The following RORC variants were observed in gnomAD, a reference collection of about 807,000 sequenced individuals.
The protein encoded by RORC is RAR related orphan receptor C.
A neutral mutation model predicts 64.5 loss-of-function variants in RORC; 13 were observed. The observed-to-expected ratio is 0.20, with a 90% CI of 0.13 to 0.32. The LOEUF (loss-of-function observed/expected upper bound fraction) is 0.32. Ranked by LOEUF, RORC falls within the 10% of genes least tolerant of loss-of-function variation. The pLI, the probability that RORC is intolerant of heterozygous loss-of-function variation, is 1.00. For missense variants in RORC, 468 were observed against 669.5 expected (o/e 0.70, Z 3.32); for synonymous variants, 277 against 259.3 (o/e 1.07, Z -0.65).
intron 10 of RORC, among the ~76,000 whole-genome samples, chr1:151,809,678 T>C (rs952491485): frequency 6.6e-6 from 1 of 152,190 alleles, no homozygotes; most frequent in Non-Finnish European, 1.5e-5. Flanking sequence ...CTCTCCCAGA[T>C]TCCTGTCTCT....
chr1:151,830,300 C>G lies in RORC; in HGVS notation c.41-842G>C. ...AGCATGAGTGGGTCGATGGGGGTCA[C>G]ATGGATACTCGGACCTCCAGGGGGA... is the stretch of plus-strand genomic sequence containing the variant. On this transcript the variant is annotated intron_variant, in intron 1 of 10. Transcript: ENST00000318247. The surrounding 1 kb of genome is among the most constrained non-coding windows in gnomAD (Gnocchi z 4.0). Among the ~76,000 whole-genome samples the G allele has an allele frequency of 6.6e-6, 1 of 151,432 alleles. No individual in the cohort carries two copies. Among genetic ancestry groups the G allele is most frequent in the Admixed American group, 6.6e-5 (1 of 15,216 alleles).
rs768035028 is a variant in RORC at position 151,815,259 on chromosome 1, G to A, written c.465C>T (p.Asp155=). The A allele has an allele frequency of 3.9e-5, 62 of 1,609,638 alleles. No homozygotes were observed. The highest frequency in any genetic ancestry group is 1.9e-4 in the African/African-American group (14 of 74,778). The change falls in exon 5 of 11, where the codon GAC becomes GAT. Residue 155 remains aspartate, a synonymous_variant. Coordinates refer to ENST00000318247, the MANE Select transcript of RORC (RefSeq NM_005060.4). ...DTLTYTLGLP[D]GQLPLGSSPD... ...GCGAGGAGCCCAGGGGCAGCTGCCC[G>A]TCTGGGAGCCCCAAGGTGTAGGTGA...
chr1:151,813,954 C>T (rs1227916908), intron 6 of RORC: 1 of 252,248 alleles, frequency 4.0e-6, no homozygotes, highest in Non-Finnish European at 7.7e-6. Context: ...TGCCCAAGGT[C>T]TCAATAACCT....
At chr1:151,812,651 C>T in intron 9 of RORC, 2 of 291,390 alleles carry the variant, frequency 6.9e-6, no homozygotes, top group Non-Finnish European at 1.3e-5. Context: ...ACAATGAAAT[C>T]ACTGCCATAG....
chr1:151,816,168 G>A (rs1651747334), intron 4 of RORC, among the ~76,000 whole-genome samples: 1 of 152,186 alleles, frequency 6.6e-6, no homozygotes, highest in Non-Finnish European at 1.5e-5. Flanking sequence ...GGTGGTGGGT[G>A]AGGAGGGTGG....
chr1:151,829,477 G>T lies in RORC; in HGVS notation c.41-19C>A. On this transcript the variant is annotated intron_variant, in intron 1 of 10. Transcript: ENST00000318247. Reference sequence around the variant, plus strand: ...AGCAGCTCTGTAAAGACAAGAGAGGGGGTTGACGTCAAAGGTTGAAGATCA... The same window carrying T: ...AGCAGCTCTGTAAAGACAAGAGAGGTGGTTGACGTCAAAGGTTGAAGATCA... 1 of 1,517,974 alleles carries T rather than the reference G, an allele frequency of 6.6e-7. No homozygotes were observed. Among genetic ancestry groups the T allele is most frequent in the South Asian group, 1.3e-5 (1 of 76,238 alleles). 94.0% of individuals were successfully genotyped at this position (1,517,974 alleles called of 1,614,324 possible).
At chr1:151,814,853 G>A (rs2101658408) in intron 5 of RORC, 60 bp downstream of exon 5, 18 of 1,572,840 alleles carry the variant, frequency 1.1e-5, no homozygotes, top group Non-Finnish European at 1.6e-5. Flanking sequence ...ATTGATACGG[G>A]GTACTGGTGG....
intron 2 of RORC, among the ~76,000 whole-genome samples, chr1:151,828,267 G>A (rs1372949576): frequency 1.3e-5 from 2 of 152,156 alleles, no homozygotes; most frequent in Admixed American, 6.5e-5. Flanking sequence ...GTCAAGGGAC[G>A]GCTATGGAGA....
intron 10 of RORC, among the ~76,000 whole-genome samples, chr1:151,809,193 G>C (rs1464236565): frequency 6.6e-6 from 1 of 152,022 alleles, no homozygotes; most frequent in Non-Finnish European, 1.5e-5. Context: ...GAGGTCAGGA[G>C]TTCGAGACCA....
intron 2 of RORC, among the ~76,000 whole-genome samples, chr1:151,818,848 G>A (rs1651874694): frequency 6.6e-6 from 1 of 152,222 alleles, no homozygotes; most frequent in Non-Finnish European, 1.5e-5. Context: ...GCCTGTTGAT[G>A]TGAAGTGGGC....
chr1:151,823,370 A>T (rs1652067727), intron 2 of RORC, among the ~76,000 whole-genome samples: 1 of 152,162 alleles, frequency 6.6e-6, no homozygotes, highest in Non-Finnish European at 1.5e-5. Context: ...CCCTTAGGGG[A>T]AGATGTCTGG....
intron 6 of RORC, chr1:151,814,017 G>C (rs796600455): frequency 5.3e-6 from 1 of 189,296 alleles, no homozygotes; most frequent in Non-Finnish European, 1.1e-5. Flanking sequence ...GGTGGTATGA[G>C]AGTGTGATCG....
At position 151,811,535 on chromosome 1, in the gene RORC, T is replaced by A. The variant is rs1052941892; in HGVS notation, c.1286-101A>T. 62 of 685,034 alleles carry A rather than the reference T, an allele frequency of 9.1e-5. 1 individual carries two copies. The African/African-American group carries it at 1.0e-3, about 12-fold the overall frequency. 42.4% of individuals were successfully genotyped at this position (685,034 alleles called of 1,614,324 possible). A position where few individuals can be genotyped will look rare whatever the true frequency, so the allele number is the denominator to read the frequency against. On this transcript the variant is annotated intron_variant, in intron 9 of 10. Coordinates refer to ENST00000318247, the MANE Select transcript of RORC (RefSeq NM_005060.4). ...TGTGGACATCTGTGCTGGATAGAGG[T>A]CTTCTAAGCTGAGCGCGTGCATGTG... is the stretch of plus-strand genomic sequence containing the variant.
rs1160515783 is a variant in RORC at position 151,830,114 on chromosome 1, G to A, written c.41-656C>T. On this transcript the variant is annotated intron_variant, in intron 1 of 10. Transcript: ENST00000318247. The surrounding 1 kb of genome is among the most constrained non-coding windows in gnomAD (Gnocchi z 4.0). ...CAGAGATGTGGGGGTTGGGAGTAGGGGGAGAGGATGTTTGGAGGAAGAGGA... is the reference window on the plus strand; with the variant it reads ...CAGAGATGTGGGGGTTGGGAGTAGGAGGAGAGGATGTTTGGAGGAAGAGGA... 1.3e-5 allele frequency among the ~76,000 whole-genome samples: 2 copies of A among 152,178 alleles called. No individual in the cohort carries two copies.
intron 1 of RORC, among the ~76,000 whole-genome samples, chr1:151,829,812 C>T (rs1652336328): frequency 6.6e-6 from 1 of 152,230 alleles, no homozygotes; most frequent in Non-Finnish European, 1.5e-5. Context: ...ACACCCCCTT[C>T]CCCTGCCCTT....
chr1:151,815,439 A>G lies in RORC; in HGVS notation c.299-14T>C, dbSNP rs983589902. 7 of 1,522,572 alleles carry G rather than the reference A, an allele frequency of 4.6e-6. No individual in the cohort carries two copies. The African/African-American group carries it at 5.6e-5, about 12-fold the overall frequency. 94.3% of individuals were successfully genotyped at this position (1,522,572 alleles called of 1,614,324 possible). A position where few individuals can be genotyped will look rare whatever the true frequency, so the allele number is the denominator to read the frequency against. On this transcript the variant is annotated splice_polypyrimidine_tract_variant and intron_variant, in intron 4 of 10. Transcript: ENST00000318247. The stretch of plus-strand genomic sequence containing the variant: ...CGAACTTGACAGCTGAAAGAGGTCC[A>G]GGGACCAGGGGTTTATGAGGCAGGA...
Position 151,813,315 on chromosome 1 carries a change from G to A in RORC, c.1098C>T (p.Cys366=), listed in dbSNP as rs1651612802. The A allele has an allele frequency of 1.2e-6, 2 of 1,614,018 alleles. No homozygotes were observed. The highest frequency in any genetic ancestry group is 2.7e-5 in the African/African-American group (2 of 74,898). Residue 366 remains cysteine (C), a synonymous_variant, in exon 8 of 11, where the codon TGC becomes TGT. Coordinates refer to ENST00000318247, the MANE Select transcript of RORC (RefSeq NM_005060.4). The stretch of plus-strand genomic sequence containing the variant: ...TGCGGTTGTCAGCATTGTAGGCCCG[G>A]CACATCCTAACCAGCACCACTTCCA... ...GAMEVVLVRM[C]RAYNADNRTV...
chr1:151,807,199 C>T lies in RORC; in HGVS notation c.*273G>A. On this transcript the variant is annotated 3_prime_UTR_variant, in exon 11 of 11. Transcript: ENST00000318247. This position sits in a 1 kb window ranked among gnomAD's most constrained non-coding sequence, Gnocchi z 5.0. ...GTCCTTAAATCCCAGCCACCCCATG[C>T]CTTCCAGAAGCTGGGTGTGAAGGAA... The T allele has an allele frequency of 2.7e-6, 1 of 364,238 alleles. No homozygotes were observed. Among genetic ancestry groups the T allele is most frequent in the Non-Finnish European group, 5.0e-6 (1 of 200,578 alleles). 22.6% of individuals were successfully genotyped at this position (364,238 alleles called of 1,614,324 possible).
At chr1:151,816,623 G>GA (rs745951980) in intron 4 of RORC, 41 bp downstream of exon 4, 1 of 1,570,970 alleles carries the variant, frequency 6.4e-7, no homozygotes, top group East Asian at 2.3e-5. Flanking sequence ...CCCCTCTGGA[G>GA]ACACCAGGAA....
Sources: gnomAD v4.1 joint callset for allele counts (sites outside exome capture counted in the v4.1 genomes callset) on GRCh38, gnomAD v4.1.1 for gene constraint, Gnocchi (gnomAD v3.1) non-coding constraint, MANE v1.5 for transcripts, NCBI Gene and HGNC (gene_info 2026-07-23, HGNC 2026-07-21) for gene names.